DAB1: variants seen among roughly 807,000 people sequenced by gnomAD.
DAB1 encodes DAB adaptor protein 1.
DAB1 carries 15 observed loss-of-function variants against 64.6 expected under a neutral mutation model. That is an observed-to-expected ratio of 0.23 (90% confidence interval 0.16 to 0.36). The LOEUF is 0.36. DAB1 is among the 10% of genes least tolerant of loss of function. DAB1 has a pLI of 1.00. For missense variants in DAB1, 596 were observed against 706.7 expected (o/e 0.84, Z 1.78); for synonymous variants, 235 against 251.9 (o/e 0.93, Z 0.64).
intron 5 of DAB1, among the ~76,000 whole-genome samples, chr1:58,065,812 C>T (rs956846488): frequency 2.6e-5 from 4 of 152,166 alleles, no homozygotes; most frequent in Admixed American, 1.3e-4. Context: ...CTTGGCCAAC[C>T]CTGAGGGAGT....
chr1:58,229,206 G>C (rs72910427), intron 4 of DAB1, among the ~76,000 whole-genome samples: 1,720 of 152,186 alleles, frequency 0.011, 33 homozygotes, highest in African/African-American at 0.039. Flanking sequence ...TGGTCTCAAG[G>C]CATTCTCCAG....
At chr1:57,375,444 C>T (rs1680817489) in intron 1 of DAB1, among the ~76,000 whole-genome samples, 1 of 152,198 alleles carries the variant, frequency 6.6e-6, no homozygotes, top group African/African-American at 2.4e-5. Flanking sequence ...ACCTCCACAA[C>T]AGCCAAGAGT....
chr1:58,419,338 C>G (rs918741092), intron 3 of DAB1, among the ~76,000 whole-genome samples: 1 of 152,178 alleles, frequency 6.6e-6, no homozygotes, highest in African/African-American at 2.4e-5. Context: ...TGGTGTTTAT[C>G]TCACAATATT....
intron 1 of DAB1, among the ~76,000 whole-genome samples, chr1:57,399,833 C>G (rs890917807): frequency 7.9e-5 from 12 of 152,144 alleles, no homozygotes; most frequent in Non-Finnish European, 1.6e-4. Context: ...CATAAATAGT[C>G]CAATGAATTC....
At chr1:57,481,741 C>T (rs1404341596) in intron 7 of DAB1, among the ~76,000 whole-genome samples, 1 of 151,444 alleles carries the variant, frequency 6.6e-6, no homozygotes, top group East Asian at 1.9e-4. Context: ...TGCTGGAACC[C>T]AGAAGGCAGA....
At chr1:57,686,388 A>G (rs1197702672) in intron 6 of DAB1, among the ~76,000 whole-genome samples, 1 of 152,186 alleles carries the variant, frequency 6.6e-6, no homozygotes, top group Non-Finnish European at 1.5e-5. Flanking sequence ...ACAAATTCCA[A>G]AATTCAATCA....
intron 9 of DAB1, among the ~76,000 whole-genome samples, chr1:57,056,378 G>A (rs1007070133): frequency 1.4e-4 from 21 of 149,056 alleles, no homozygotes; most frequent in African/African-American, 4.7e-4. Flanking sequence ...GGTGGTGCAC[G>A]CCTGTAGTCC....
chr1:57,793,370 T>C lies in DAB1; in HGVS notation n.551+90629A>G, dbSNP rs573209995. On this transcript the variant is annotated intron_variant and non_coding_transcript_variant, in intron 6 of 20. Coordinates refer to the DAB1 transcript ENST00000485760. ...GATAATTTTTTCATAAGGCATTGTG[T>C]TTCTCAGAGGAAGGTGCCATAGGAA... is the stretch of plus-strand genomic sequence containing the variant. Among the ~76,000 whole-genome samples the C allele has an allele frequency of 3.9e-5, 6 of 152,300 alleles. No homozygotes were observed. In the South Asian group the frequency reaches 8.3e-4, roughly 21 times the overall value.
intron 8 of DAB1, among the ~76,000 whole-genome samples, chr1:57,068,974 A>G (rs535080488): frequency 6.6e-6 from 1 of 152,348 alleles, no homozygotes; most frequent in Non-Finnish European, 1.5e-5. Context: ...TTGAAATTAA[A>G]TTTGTGCTTT....
At chr1:57,400,916 G>T (rs1683189383) in intron 1 of DAB1, among the ~76,000 whole-genome samples, 1 of 151,198 alleles carries the variant, frequency 6.6e-6, no homozygotes, top group African/African-American at 2.4e-5. Context: ...ACATCGTCTT[G>T]CTTTGCAGAC....
chr1:57,213,033 A>C (rs76781287), intron 2 of DAB1, among the ~76,000 whole-genome samples: 6,167 of 152,220 alleles, frequency 0.041, 418 homozygotes, highest in African/African-American at 0.14. Context: ...AGGTGCAGTG[A>C]GTGGGAGGCG....
chr1:57,972,634 G>C (rs1645826261), intron 5 of DAB1, among the ~76,000 whole-genome samples: 1 of 152,200 alleles, frequency 6.6e-6, no homozygotes, highest in African/African-American at 2.4e-5. Context: ...AGTATAACTA[G>C]TTATATCAGC....
chr1:57,526,930 A>G lies in DAB1; in HGVS notation n.625+122662T>C, dbSNP rs193172402. On this transcript the variant is annotated intron_variant and non_coding_transcript_variant, in intron 7 of 20. Coordinates refer to the DAB1 transcript ENST00000485760. ...AATGACTATATTATGAGTATTTAATACACATGATACTCTCAAGGCATGGTC... is the reference window on the plus strand; with the variant it reads ...AATGACTATATTATGAGTATTTAATGCACATGATACTCTCAAGGCATGGTC... 1.1e-4 allele frequency among the ~76,000 whole-genome samples: 16 copies of G among 152,314 alleles called. No individual in the cohort carries two copies. The East Asian group carries it at 3.1e-3, about 29-fold the overall frequency.
intron 4 of DAB1, among the ~76,000 whole-genome samples, chr1:57,121,894 A>G (rs949874730): frequency 4.6e-5 from 7 of 152,094 alleles, no homozygotes; most frequent in Non-Finnish European, 8.8e-5. Flanking sequence ...ACATGTATCC[A>G]AAACTTAAAG....
chr1:57,503,941 T>A (rs996306674), intron 7 of DAB1, among the ~76,000 whole-genome samples: 1 of 152,224 alleles, frequency 6.6e-6, no homozygotes, highest in African/African-American at 2.4e-5. Flanking sequence ...TAAATGAGAA[T>A]AACAGGGTCT....
At chr1:57,086,711 G>A (rs1402180069) in intron 4 of DAB1, among the ~76,000 whole-genome samples, 1 of 151,074 alleles carries the variant, frequency 6.6e-6, no homozygotes, top group Non-Finnish European at 1.5e-5. Context: ...AATGGCGGGG[G>A]GAGGGGGTCA....
At chr1:58,337,785 T>C (rs1036120884) in intron 4 of DAB1, among the ~76,000 whole-genome samples, 4 of 152,236 alleles carry the variant, frequency 2.6e-5, no homozygotes, top group Non-Finnish European at 4.4e-5. Context: ...AAGGGGCATA[T>C]TAACCCGGAG....
chr1:57,418,155 T>C (rs528110095), intron 1 of DAB1, among the ~76,000 whole-genome samples: 3 of 152,310 alleles, frequency 2.0e-5, no homozygotes, highest in Admixed American at 2.0e-4. Context: ...ACAAAGTAGG[T>C]GCTCAGTAAA....
chr1:58,370,295 C>A (rs1204027089), intron 3 of DAB1, among the ~76,000 whole-genome samples: 1 of 151,298 alleles, frequency 6.6e-6, no homozygotes, highest in Non-Finnish European at 1.5e-5. Context: ...AAAGATATAG[C>A]ATGATGAGGA....
Sources: gnomAD v4.1 joint callset for allele counts (sites outside exome capture counted in the v4.1 genomes callset) on GRCh38, gnomAD v4.1.1 for gene constraint, MANE v1.5 for transcripts, NCBI Gene and HGNC (gene_info 2026-07-23, HGNC 2026-07-21) for gene names.